FOCAD: variants seen among roughly 807,000 people sequenced by gnomAD.
FOCAD encodes KIAA1797.
FOCAD carries 198 observed loss-of-function variants against 225.6 expected under a neutral mutation model. The observed-to-expected ratio is 0.88, with a 90% confidence interval of 0.78 to 0.99. The LOEUF is 0.99. Among genes scored for constraint, FOCAD ranks in the 50% least tolerant of loss-of-function variants. FOCAD has a pLI of 0.00. For missense variants in FOCAD, 2,713 were observed against 2,123.6 expected, an observed-to-expected ratio of 1.28 and a Z score of -5.46; for synonymous variants, 897 against 755.0, an observed-to-expected ratio of 1.19 and a Z score of -3.08.
At chr9:20,853,116 T>C (rs1202846414) in intron 15 of FOCAD, among the ~76,000 whole-genome samples, 5 of 151,762 alleles carry the variant, frequency 3.3e-5, no homozygotes, top group Non-Finnish European at 5.9e-5. Context: ...CACCAAAAAA[T>C]AGATAACTCA....
At chr9:20,883,131 A>G (rs903453313) in intron 20 of FOCAD, among the ~76,000 whole-genome samples, 2 of 152,226 alleles carry the variant, frequency 1.3e-5, no homozygotes, top group Admixed American at 1.3e-4. Flanking sequence ...CATATACTGC[A>G]CTAGACACAG....
At position 20,946,739 on chromosome 9, in the gene FOCAD, G is replaced by A. The variant is rs138048017; in HGVS notation, c.3594G>A (p.Ala1198=). 28 of 1,613,516 alleles carry A rather than the reference G, an allele frequency of 1.7e-5. No homozygotes were observed. Among genetic ancestry groups the A allele is most frequent in the Middle Eastern group, 1.6e-4 (1 of 6,082 alleles). ...AYTLSCVCTS[A]FSAGIIEATE... is the part of the protein sequence containing the mutation. Reference sequence around the variant, plus strand: ...CACTTAGCTGTGTATGTACATCAGCGTTCAGTGCTGGAATTATTGAGGCTA... The same window carrying A: ...CACTTAGCTGTGTATGTACATCAGCATTCAGTGCTGGAATTATTGAGGCTA... Residue 1198 remains alanine, a synonymous_variant, in exon 30 of 44, where the codon GCG becomes GCA. Coordinates refer to ENST00000338382, the MANE Select transcript of FOCAD (RefSeq NM_001375567.1).
chr9:20,869,352 T>C (rs1389747980), intron 18 of FOCAD, among the ~76,000 whole-genome samples: 3 of 152,148 alleles, frequency 2.0e-5, no homozygotes, highest in African/African-American at 4.8e-5. Flanking sequence ...AAAATATATA[T>C]ATATAAGATA....
chr9:20,720,124 T>C (rs1003396337), intron 3 of FOCAD, among the ~76,000 whole-genome samples: 1 of 152,178 alleles, frequency 6.6e-6, no homozygotes, highest in African/African-American at 2.4e-5. Flanking sequence ...ACTCGGGTCA[T>C]ACCTCTGCCT....
chr9:20,944,171 C>A (rs966171001), intron 28 of FOCAD, among the ~76,000 whole-genome samples: 1 of 152,214 alleles, frequency 6.6e-6, no homozygotes, highest in Non-Finnish European at 1.5e-5. Context: ...TTGCATTTAT[C>A]TTCTTTGCTA....
At chr9:20,959,307 A>G (rs952392084) in intron 35 of FOCAD, among the ~76,000 whole-genome samples, 1 of 152,120 alleles carries the variant, frequency 6.6e-6, no homozygotes, top group African/African-American at 2.4e-5. Context: ...GATGCTGAGC[A>G]GTTTTTTCAT....
chr9:20,871,122 T>C (rs1829725235), intron 18 of FOCAD, among the ~76,000 whole-genome samples: 1 of 151,930 alleles, frequency 6.6e-6, no homozygotes, highest in African/African-American at 2.4e-5. Context: ...GAGAATTGCT[T>C]GAACCCTGGA....
intron 15 of FOCAD, among the ~76,000 whole-genome samples, chr9:20,840,734 C>G (rs562541722): frequency 1.3e-5 from 2 of 151,658 alleles, no homozygotes; most frequent in East Asian, 1.9e-4. Context: ...TCTAATTGCT[C>G]TAGCTAGGAC....
chr9:20,908,366 T>G (rs7032118), intron 22 of FOCAD, among the ~76,000 whole-genome samples: 107 of 152,108 alleles, frequency 7.0e-4, no homozygotes, highest in African/African-American at 2.4e-3. Flanking sequence ...GGTGTTCTAA[T>G]CTCAAATTAA....
At chr9:20,980,597 A>G (rs929573002) in intron 37 of FOCAD, among the ~76,000 whole-genome samples, 22 of 152,208 alleles carry the variant, frequency 1.4e-4, no homozygotes, top group African/African-American at 5.3e-4. Context: ...ATGCAACTAC[A>G]CTGATCTTTT....
intron 8 of FOCAD, among the ~76,000 whole-genome samples, chr9:20,772,208 G>C (rs754722727): frequency 6.6e-6 from 1 of 152,148 alleles, no homozygotes; most frequent in Non-Finnish European, 1.5e-5. Context: ...CATTCACTTT[G>C]AGAAATGGTA....
intron 28 of FOCAD, among the ~76,000 whole-genome samples, chr9:20,938,573 C>CTGT: frequency 7.1e-6 from 1 of 141,764 alleles, no homozygotes; most frequent in African/African-American, 2.7e-5. Context: ...ACACGGGGGC[C>CTGT]TGTTGTGGGG....
At chr9:20,974,087 A>G (rs1840017265) in intron 35 of FOCAD, among the ~76,000 whole-genome samples, 1 of 140,418 alleles carries the variant, frequency 7.1e-6, no homozygotes, top group East Asian at 2.1e-4. Context: ...TCTCTGCCCT[A>G]CTTCCCCCTT....
upstream of FOCAD, among the ~76,000 whole-genome samples, chr9:20,681,062 T>A (rs1822385245): frequency 6.6e-6 from 1 of 152,164 alleles, no homozygotes; most frequent in African/African-American, 2.4e-5. Flanking sequence ...CAAAAAGCAA[T>A]TAGTCATATG....
chr9:20,825,064 G>A (rs763099579), intron 15 of FOCAD, among the ~76,000 whole-genome samples: 2 of 151,350 alleles, frequency 1.3e-5, no homozygotes, highest in Non-Finnish European at 2.9e-5. Flanking sequence ...GTTTAAATAA[G>A]TAGATGTAAT....
intron 2 of FOCAD, among the ~76,000 whole-genome samples, chr9:20,659,322 G>T (rs368211778): frequency 1.3e-5 from 2 of 150,030 alleles, no homozygotes; most frequent in Non-Finnish European, 3.0e-5. Flanking sequence ...CATGAGAATC[G>T]CCTGAACATG....
chr9:20,737,161 A>G (rs1827217869), intron 4 of FOCAD, among the ~76,000 whole-genome samples: 1 of 152,310 alleles, frequency 6.6e-6, no homozygotes, highest in East Asian at 1.9e-4. Flanking sequence ...AGAGTAAGTG[A>G]GACCTAACTT....
chr9:20,681,599 C>G (rs57326001), upstream of FOCAD, among the ~76,000 whole-genome samples: 4,158 of 152,312 alleles, frequency 0.027, 217 homozygotes, highest in African/African-American at 0.093. Context: ...GCCTATCTCT[C>G]TAGTCTTGTC....
At chr9:20,827,916 T>A (rs754906911) in intron 15 of FOCAD, among the ~76,000 whole-genome samples, 2 of 152,128 alleles carry the variant, frequency 1.3e-5, no homozygotes, top group Non-Finnish European at 2.9e-5. Context: ...TTCACACCTG[T>A]AATCCCAGCA....
Sources: allele counts gnomAD v4.1 joint callset (sites outside exome capture counted in the v4.1 genomes callset), GRCh38; gene constraint gnomAD v4.1.1; transcripts MANE v1.5; gene names NCBI Gene and HGNC (gene_info 2026-07-23, HGNC 2026-07-21).